Variants in USP10 observed in about 807,000 individuals in gnomAD.
USP10 encodes ubiquitin specific peptidase 10.
Under a neutral mutation model 84.5 loss-of-function variants are expected in USP10, and 22 were observed. The observed-to-expected ratio is 0.26, with a 90% confidence interval of 0.19 to 0.37. The LOEUF (loss-of-function observed/expected upper bound fraction) is 0.37. Ranked by LOEUF, USP10 falls within the 10% of genes least tolerant of loss-of-function variation. USP10 has a pLI of 1.00. For synonymous variants in USP10, 454 were observed against 387.6 expected (o/e 1.17, Z -2.01); for missense variants, 1,019 against 998.9 (o/e 1.02, Z -0.27).
intron 12 of USP10, 26 bp from the exon 13 acceptor site, chr16:84,775,134 C>T (rs773623146): frequency 6.2e-7 from 1 of 1,610,808 alleles, no homozygotes; most frequent in Non-Finnish European, 8.5e-7. Flanking sequence ...AAAAGTGCTT[C>T]AAGCCATTGA....
In USP10 at chr16:84,742,239, C is replaced by G. The variant is rs184040051; in HGVS notation, c.151+1870C>G. Among the ~76,000 whole-genome samples the G allele has an allele frequency of 1.2e-4, 18 of 152,290 alleles. No individual in the cohort carries two copies. The East Asian group carries it at 3.3e-3, about 28-fold the overall frequency. On this transcript the variant is annotated intron_variant, in intron 3 of 13. Coordinates refer to ENST00000219473, the MANE Select transcript of USP10 (RefSeq NM_005153.3). The stretch of plus-strand genomic sequence containing the variant: ...TTAGATGTTCCTAAAGCTTGAGATA[C>G]CACTCCTTCACCCTGCCCTTAGCAA...
intron 4 of USP10, among the ~76,000 whole-genome samples, chr16:84,750,005 G>T (rs989393134): frequency 6.6e-6 from 1 of 152,160 alleles, no homozygotes; most frequent in African/African-American, 2.4e-5. Flanking sequence ...AGGGAAGGAT[G>T]TATCTAAACA....
At chr16:84,773,891 T>G (rs1184408918) in intron 12 of USP10, among the ~76,000 whole-genome samples, 1 of 152,202 alleles carries the variant, frequency 6.6e-6, no homozygotes. Context: ...GATTTTATTT[T>G]TATATCTTTT....
chr16:84,739,311 G>T (rs1205180330), intron 2 of USP10, among the ~76,000 whole-genome samples: 1 of 150,468 alleles, frequency 6.6e-6, no homozygotes, highest in African/African-American at 2.4e-5. Flanking sequence ...TTGCTCTATT[G>T]CCCAGGCTGG....
chr16:84,737,818 G>A (rs1442600410), intron 2 of USP10, among the ~76,000 whole-genome samples: 2 of 152,224 alleles, frequency 1.3e-5, no homozygotes, highest in Non-Finnish European at 2.9e-5. Flanking sequence ...CAGGATGTGT[G>A]CCTGGCACAC....
chr16:84,757,400 GGGGTGTGT>G (rs1199775929), intron 4 of USP10, among the ~76,000 whole-genome samples: 2,013 of 61,202 alleles, frequency 0.033, 46 homozygotes, highest in African/African-American at 0.11. Flanking sequence ...GAGAGGGGTG[GGGGTGTGT>G]GTGTGTGTGT....
At chr16:84,764,695 G>T (rs974396193) in intron 10 of USP10, among the ~76,000 whole-genome samples, 5 of 152,016 alleles carry the variant, frequency 3.3e-5, no homozygotes, top group Admixed American at 6.6e-5. Context: ...ACCAGGTGTG[G>T]TGACAGGCAC....
intron 13 of USP10, among the ~76,000 whole-genome samples, chr16:84,777,639 C>T (rs1231759970): frequency 6.6e-6 from 1 of 152,108 alleles, no homozygotes; most frequent in Non-Finnish European, 1.5e-5. Flanking sequence ...TGTGCAGAGC[C>T]CAGGAGTCTG....
intron 1 of USP10, among the ~76,000 whole-genome samples, chr16:84,732,755 C>T (rs886848368): frequency 6.6e-6 from 1 of 152,176 alleles, no homozygotes; most frequent in Non-Finnish European, 1.5e-5. Flanking sequence ...GCCTCAATGA[C>T]TTGTTTCTTG....
At chr16:84,757,567 T>G (rs1003097397) in intron 4 of USP10, among the ~76,000 whole-genome samples, 3 of 152,222 alleles carry the variant, frequency 2.0e-5, no homozygotes, top group African/African-American at 7.2e-5. Context: ...GATGCTACTA[T>G]CAAATGTATG....
chr16:84,716,181 C>A (rs539549336), intron 1 of USP10: 1 of 152,340 alleles, frequency 6.6e-6, no homozygotes. Flanking sequence ...TCTCTCCCCC[C>A]TCTCCTTTTC....
At chr16:84,712,193 T>G (rs1166899454) in intron 1 of USP10, among the ~76,000 whole-genome samples, 1 of 152,178 alleles carries the variant, frequency 6.6e-6, no homozygotes, top group African/African-American at 2.4e-5. Context: ...AGGGCCCTTA[T>G]ACTTTGATTC....
intron 1 of USP10, among the ~76,000 whole-genome samples, chr16:84,725,029 T>C (rs763627921): frequency 3.3e-5 from 5 of 152,226 alleles, no homozygotes; most frequent in Non-Finnish European, 5.9e-5. Flanking sequence ...TAAAACTTTA[T>C]TGAGATATAA....
At chr16:84,722,852 G>A (rs998666221) in intron 1 of USP10, among the ~76,000 whole-genome samples, 4 of 152,228 alleles carry the variant, frequency 2.6e-5, no homozygotes, top group Admixed American at 6.5e-5. Context: ...CACTGCGTCC[G>A]GCTCAGTCGT....
intron 9 of USP10, among the ~76,000 whole-genome samples, chr16:84,763,530 C>T (rs184567208): frequency 6.6e-6 from 1 of 152,380 alleles, no homozygotes; most frequent in East Asian, 1.9e-4. Flanking sequence ...GCTAAAGCAT[C>T]TCCTGCGTAA....
chr16:84,768,930 T>A (rs996914069), intron 11 of USP10, among the ~76,000 whole-genome samples: 5 of 152,108 alleles, frequency 3.3e-5, no homozygotes, highest in African/African-American at 1.2e-4. Flanking sequence ...CTTGGTGGAG[T>A]CCTTGTCAAC....
intron 10 of USP10, 111 bp from the exon 11 acceptor site, chr16:84,768,082 G>C (rs1044709372): frequency 6.3e-5 from 78 of 1,245,086 alleles, no homozygotes; most frequent in Non-Finnish European, 8.2e-5. Flanking sequence ...GTGGTCTTTT[G>C]AAAGTGATAT....
At chr16:84,768,486 T>C in intron 11 of USP10, 128 bp downstream of exon 11, 1 of 908,742 alleles carries the variant, frequency 1.1e-6, no homozygotes, top group Non-Finnish European at 1.5e-6. Context: ...AACCATTTTG[T>C]ACTGAAAGTT....
intron 4 of USP10, 107 bp downstream of exon 4, chr16:84,745,780 T>TA: frequency 1.7e-6 from 2 of 1,173,796 alleles, no homozygotes; most frequent in Non-Finnish European, 2.4e-6. Flanking sequence ...ACCTGTGTGT[T>TA]AATAGCAACG....
Sources: gnomAD v4.1 joint callset for allele counts (sites outside exome capture counted in the v4.1 genomes callset) on GRCh38, gnomAD v4.1.1 for gene constraint, MANE v1.5 for transcripts, NCBI Gene and HGNC (gene_info 2026-07-23, HGNC 2026-07-21) for gene names.